Variants in STRN observed in about 807,000 individuals in gnomAD.
The protein encoded by STRN is striatin, also known as protein phosphatase 2 regulatory subunit B'''alpha.
Under a neutral mutation model 96.3 loss-of-function variants are expected in STRN, and 53 were observed. The ratio of observed to expected loss-of-function variants is 0.55; its 90% CI spans 0.44 to 0.69. The LOEUF is 0.69. STRN is among the 30% of genes least tolerant of loss of function. The pLI is 0.00. For missense variants in STRN, 987 were observed against 963.9 expected, an observed-to-expected ratio of 1.02 and a Z score of -0.32; for synonymous variants, 428 against 355.9, an observed-to-expected ratio of 1.20 and a Z score of -2.28.
At chr2:36,936,527 A>G (rs1670705623) in intron 1 of STRN, among the ~76,000 whole-genome samples, 1 of 152,236 alleles carries the variant, frequency 6.6e-6, no homozygotes, top group South Asian at 2.1e-4. Flanking sequence ...TTATTAATTG[A>G]TATTACATAT....
Position 36,844,368 on chromosome 2 carries a change from C to G in STRN, c.*5088G>C, listed in dbSNP as rs578135186. On this transcript the variant is annotated 3_prime_UTR_variant, in exon 18 of 18. Transcript: ENST00000263918. ...AGCTCTCTACAAGTCAATTAAAATA[C>G]CATTCTCTGAGACATTTTCAGAGAG... 3.3e-5 allele frequency: 5 copies of G among 152,238 alleles called. No homozygotes were observed. The East Asian group carries it at 9.6e-4, about 29-fold the overall frequency. The allele number at this position is 152,238 out of a possible 1,614,324, so 9.4% of individuals were successfully genotyped here.
At chr2:36,897,015 G>C (rs1669557371) in intron 6 of STRN, among the ~76,000 whole-genome samples, 1 of 151,718 alleles carries the variant, frequency 6.6e-6, no homozygotes, top group African/African-American at 2.4e-5. Flanking sequence ...TAAAAATACA[G>C]CATCAGCCGG....
intron 2 of STRN, among the ~76,000 whole-genome samples, chr2:36,923,838 TA>T (rs929078598): frequency 2.3e-4 from 34 of 151,090 alleles, no homozygotes; most frequent in Admixed American, 2.1e-3. Context: ...CTCAGTTATC[TA>T]AAAAAAAATG....
chr2:36,920,436 C>T (rs113650315), intron 2 of STRN, among the ~76,000 whole-genome samples: 1 of 151,200 alleles, frequency 6.6e-6, no homozygotes, highest in African/African-American at 2.4e-5. Flanking sequence ...GTTGGGAGTT[C>T]GAAACCAGTC....
intron 1 of STRN, among the ~76,000 whole-genome samples, chr2:36,932,266 T>C (rs1670595169): frequency 6.6e-6 from 1 of 152,086 alleles, no homozygotes; most frequent in Non-Finnish European, 1.5e-5. Context: ...GCAATTCTCC[T>C]ATGTCAGCCT....
intron 10 of STRN, among the ~76,000 whole-genome samples, chr2:36,876,569 T>G (rs1668918118): frequency 6.6e-6 from 1 of 152,132 alleles, no homozygotes. Flanking sequence ...TACTTAGGCA[T>G]CCATCCTACA....
intron 7 of STRN, 105 bp from the exon 8 acceptor site, chr2:36,886,931 TA>T (rs1459810743): frequency 1.2e-6 from 1 of 827,008 alleles, no homozygotes; most frequent in Non-Finnish European, 1.8e-6. Context: ...ATAGTATCAC[TA>T]ACTTAAAAAA....
At chr2:36,928,414 G>C (rs959781427) in intron 1 of STRN, among the ~76,000 whole-genome samples, 3 of 152,184 alleles carry the variant, frequency 2.0e-5, no homozygotes, top group African/African-American at 7.2e-5. Context: ...AACTTTGGGA[G>C]GCCGAGGCGG....
chr2:36,895,055 C>T (rs57671539), intron 6 of STRN, among the ~76,000 whole-genome samples: 5,266 of 152,192 alleles, frequency 0.035, 134 homozygotes, highest in East Asian at 0.13. Flanking sequence ...TGGCCGGGCC[C>T]GGTGGCTCAT....
Position 36,877,999 on chromosome 2 carries a change from A to G in STRN, c.1215T>C (p.Ser405=), listed in dbSNP as rs1436400738. The G allele has an allele frequency of 9.3e-6, 15 of 1,614,004 alleles. No individual in the cohort carries two copies. Among genetic ancestry groups the G allele is most frequent in the African/African-American group, 2.7e-5 (2 of 74,924 alleles). ...CTGCTCCCATGATGAATGACTTTCCAGAAGAAGGAGGAAATGTCAATGCTT... is the reference window on the plus strand; with the variant it reads ...CTGCTCCCATGATGAATGACTTTCCGGAAGAAGGAGGAAATGTCAATGCTT... The part of the protein sequence containing the change: ...EVEALTFPPS[S]GKSFIMGADE... Residue 405 remains serine, a synonymous_variant, in exon 10 of 18, where the codon TCT becomes TCC. Coordinates refer to ENST00000263918, the MANE Select transcript of STRN (RefSeq NM_003162.4).
At chr2:36,908,724 A>G (rs1669886617) in intron 3 of STRN, among the ~76,000 whole-genome samples, 1 of 152,170 alleles carries the variant, frequency 6.6e-6, no homozygotes, top group African/African-American at 2.4e-5. Context: ...CTGTAATACC[A>G]GCACTTTGGG....
chr2:36,960,135 A>C (rs977775174), intron 1 of STRN, among the ~76,000 whole-genome samples: 4 of 152,236 alleles, frequency 2.6e-5, no homozygotes, highest in Admixed American at 6.5e-5. Context: ...GAAGTGGCTT[A>C]AAGAGCCAAA....
intron 3 of STRN, among the ~76,000 whole-genome samples, chr2:36,910,957 C>T (rs1669951203): frequency 6.6e-6 from 1 of 151,976 alleles, no homozygotes; most frequent in African/African-American, 2.4e-5. Context: ...AAAGGAAAAG[C>T]AAATTTTTGT....
intron 1 of STRN, among the ~76,000 whole-genome samples, chr2:36,934,163 A>C (rs1298754806): frequency 6.6e-6 from 1 of 152,188 alleles, no homozygotes; most frequent in Admixed American, 6.6e-5. Flanking sequence ...CTCTGCCCCC[A>C]CAAAGAAAGA....
chr2:36,963,927 T>G (rs1665090619), intron 1 of STRN, among the ~76,000 whole-genome samples: 1 of 151,850 alleles, frequency 6.6e-6, no homozygotes, highest in Non-Finnish European at 1.5e-5. Context: ...AGGCGGAGGT[T>G]GCAGTGAGCT....
intron 5 of STRN, among the ~76,000 whole-genome samples, chr2:36,901,846 G>C (rs1027796682): frequency 2.0e-5 from 3 of 152,048 alleles, no homozygotes; most frequent in African/African-American, 7.2e-5. Context: ...ATTCCAAATA[G>C]CAGGAACTAT....
chr2:36,881,328 A>C lies in STRN; in HGVS notation c.1186+2604T>G, dbSNP rs190015030. Among the ~76,000 whole-genome samples, 4 of 152,158 alleles carry C rather than the reference A, an allele frequency of 2.6e-5. No homozygotes were observed. The East Asian group carries it at 7.7e-4, about 29-fold the overall frequency. On this transcript the variant is annotated intron_variant, in intron 9 of 17. Transcript: ENST00000263918. ...TTTTTATTTGAGACAGGGTTTTGCC[A>C]TGTTGGCCAGGCTGGTCTTGAATTT... is the stretch of plus-strand genomic sequence containing the variant.
intron 3 of STRN, among the ~76,000 whole-genome samples, chr2:36,912,961 T>C (rs1354858354): frequency 1.3e-5 from 2 of 152,188 alleles, no homozygotes; most frequent in Non-Finnish European, 2.9e-5. Context: ...TATACTAAAA[T>C]TAGAATAATA....
At chr2:36,940,396 A>G (rs1426315144) in intron 1 of STRN, among the ~76,000 whole-genome samples, 1 of 152,180 alleles carries the variant, frequency 6.6e-6, no homozygotes, top group Admixed American at 6.5e-5. Context: ...TCACACGGAA[A>G]ACTGCAGAGT....
Sources: gnomAD v4.1 joint callset for allele counts (sites outside exome capture counted in the v4.1 genomes callset) on GRCh38, gnomAD v4.1.1 for gene constraint, MANE v1.5 for transcripts, NCBI Gene and HGNC (gene_info 2026-07-23, HGNC 2026-07-21) for gene names.